The following TMC2 variants were observed in gnomAD, a reference collection of about 807,000 sequenced individuals.
The protein encoded by TMC2 is transmembrane channel like 2.
In TMC2, 102 loss-of-function variants were observed where a neutral mutation model predicts 105.9. The ratio of observed to expected loss-of-function variants is 0.96; its 90% confidence interval spans 0.82 to 1.14. TMC2 has a LOEUF of 1.14. Ranked by LOEUF, TMC2 falls within the 50% of genes most tolerant of loss-of-function variation. TMC2 has a pLI of 0.00. For missense variants in TMC2, 1,093 were observed against 1,134.3 expected (o/e 0.96, Z 0.52); for synonymous variants, 402 against 422.8 (o/e 0.95, Z 0.60).
intron 2 of TMC2, among the ~76,000 whole-genome samples, chr20:2,553,762 A>T (rs2085970394): frequency 6.6e-6 from 1 of 152,112 alleles, no homozygotes; most frequent in Non-Finnish European, 1.5e-5. Flanking sequence ...GCCTATTCAG[A>T]TTACTTATTT....
At chr20:2,547,667 G>A (rs925079824) in intron 2 of TMC2, among the ~76,000 whole-genome samples, 4 of 152,138 alleles carry the variant, frequency 2.6e-5, no homozygotes, top group Non-Finnish European at 5.9e-5. Context: ...CTTCATTTGA[G>A]AGTCAATCTT....
chr20:2,541,230 A>C (rs1007220190), intron 2 of TMC2, among the ~76,000 whole-genome samples: 7 of 152,232 alleles, frequency 4.6e-5, no homozygotes, highest in African/African-American at 1.7e-4. Flanking sequence ...ATCACAGGTT[A>C]ATTCATTATT....
chr20:2,622,030 T>G lies in TMC2; in HGVS notation c.2181-2241T>G, dbSNP rs373085395. Reference sequence around the variant, plus strand: ...GTACATGGCGGGTATGCACTGGAAATAAAAATAATAATAATAATAAATGAA... The same window carrying G: ...GTACATGGCGGGTATGCACTGGAAAGAAAAATAATAATAATAATAAATGAA... On this transcript the variant is annotated intron_variant, in intron 16 of 19. Transcript: ENST00000358864. Among the ~76,000 whole-genome samples, 37 of 152,152 alleles carry G rather than the reference T, an allele frequency of 2.4e-4. 1 individual carries two copies. In the East Asian group the frequency reaches 4.8e-3, roughly 20 times the overall value.
intron 19 of TMC2, among the ~76,000 whole-genome samples, chr20:2,640,439 A>G (rs149344325): frequency 7.0e-4 from 107 of 152,292 alleles, no homozygotes; most frequent in African/African-American, 2.5e-3. Flanking sequence ...AGACACCATA[A>G]AAGTTCATTT....
At chr20:2,621,066 TATAAG>T (rs1312063267) in intron 16 of TMC2, among the ~76,000 whole-genome samples, 1 of 152,060 alleles carries the variant, frequency 6.6e-6, no homozygotes, top group Non-Finnish European at 1.5e-5. Context: ...CAAGTGTTCT[TATAAG>T]AAGGAGGGAG....
In TMC2 at chr20:2,617,085, T is replaced by C. The variant is rs1479844705; in HGVS notation, c.1954T>C (p.Tyr652His). The change falls in exon 16 of 20, where the codon TAT becomes CAT. Residue 652 changes from tyrosine (Y) to histidine (H), a missense_variant. Physicochemically the swap from Tyr to His is moderately conservative, Grantham distance 83. Coordinates refer to ENST00000358864, the MANE Select transcript of TMC2 (RefSeq NM_080751.3). ...CTGCCATTCCAGGATGGGCTCCTTC[T>C]ATGCTCCAGGCCTGGTGGGCATTAA... ...NQGMIWMGSF[Y>H]APGLVGINVL... 1 of 1,614,104 alleles carries C rather than the reference T, an allele frequency of 6.2e-7. No homozygotes were observed. Among genetic ancestry groups the C allele is most frequent in the Non-Finnish European group, 8.5e-7 (1 of 1,180,042 alleles).
At chr20:2,603,021 G>A (rs138566965) in intron 11 of TMC2, among the ~76,000 whole-genome samples, 289 of 152,304 alleles carry the variant, frequency 1.9e-3, no homozygotes, top group Non-Finnish European at 3.2e-3. Context: ...CTTGTGTATT[G>A]AGACTTGCTC....
At chr20:2,628,167 C>CAAA (rs34201766) in intron 17 of TMC2, among the ~76,000 whole-genome samples, 1 of 114,678 alleles carries the variant, frequency 8.7e-6, no homozygotes, top group Non-Finnish European at 1.8e-5. Context: ...GACTCTGTCT[C>CAAA]AAAAAAAAAA....
chr20:2,579,009 G>A, intron 5 of TMC2, 137 bp from the exon 6 acceptor site: 1 of 639,546 alleles, frequency 1.6e-6, no homozygotes. Flanking sequence ...GACAGCAGGA[G>A]CTGGGGACTG....
intron 5 of TMC2, among the ~76,000 whole-genome samples, chr20:2,577,306 G>A (rs2086154072): frequency 6.6e-6 from 1 of 152,128 alleles, no homozygotes; most frequent in Non-Finnish European, 1.5e-5. Flanking sequence ...CTCCCAAAAA[G>A]CTGGGATTAC....
rs1266855047 is a variant in TMC2 at position 2,589,527 on chromosome 20, C to T, written c.835-2783C>T. ...AAATCAACGAATAACTCATGGGGAA[C>T]AGCAATGCACAATCACTTCTTCAGA... is the stretch of plus-strand genomic sequence containing the variant. On this transcript the variant is annotated intron_variant, in intron 7 of 19. Coordinates refer to ENST00000358864, the MANE Select transcript of TMC2 (RefSeq NM_080751.3). 1.3e-5 allele frequency among the ~76,000 whole-genome samples: 2 copies of T among 152,202 alleles called. 1 individual carries two copies. Among genetic ancestry groups the T allele is most frequent in the Middle Eastern group, 6.8e-3 (2 of 294 alleles).
rs755414454 is a variant in TMC2, at chr20:2,537,301, G to A, written c.67G>A (p.Gly23Ser). ...RGGVKGRVKS[G>S]SPHTGDRLGR... ...CGGAGTGAAAGGGCGGGTGAAGAGC[G>A]GCTCTCCACACACAGGTGAGATGGG... The change falls in exon 2 of 20, where the codon GGC (glycine) becomes AGC (serine). Residue 23 changes from glycine to serine, a missense_variant. Physicochemically the swap from Gly to Ser is moderately conservative, Grantham distance 56. Coordinates refer to ENST00000358864, the MANE Select transcript of TMC2 (RefSeq NM_080751.3). 1.9e-5 allele frequency: 31 copies of A among 1,602,790 alleles called. No individual in the cohort carries two copies. The highest frequency in any genetic ancestry group is 1.7e-4 in the South Asian group (15 of 88,792).
intron 2 of TMC2, among the ~76,000 whole-genome samples, chr20:2,547,529 A>G (rs935415563): frequency 2.0e-5 from 3 of 152,226 alleles, no homozygotes; most frequent in African/African-American, 7.2e-5. Flanking sequence ...TGTATCAAAT[A>G]ATCCTAATTG....
intron 7 of TMC2, among the ~76,000 whole-genome samples, chr20:2,580,976 T>C (rs2146199912): frequency 6.6e-6 from 1 of 152,324 alleles, no homozygotes; most frequent in Middle Eastern, 3.4e-3. Flanking sequence ...ACTGAAATCC[T>C]TGATGCTGGT....
chr20:2,561,314 C>T (rs927426312), intron 3 of TMC2, among the ~76,000 whole-genome samples: 5 of 152,108 alleles, frequency 3.3e-5, no homozygotes, highest in African/African-American at 9.7e-5. Context: ...ACTTTTTTCA[C>T]CTATAAACTT....
intron 7 of TMC2, among the ~76,000 whole-genome samples, chr20:2,587,741 T>G (rs1455605559): frequency 6.6e-6 from 1 of 152,214 alleles, no homozygotes; most frequent in Non-Finnish European, 1.5e-5. Flanking sequence ...TACTTATCAT[T>G]TATTTTTGGT....
At chr20:2,567,755 A>G (rs1302184256) in intron 4 of TMC2, among the ~76,000 whole-genome samples, 1 of 152,194 alleles carries the variant, frequency 6.6e-6, no homozygotes, top group East Asian at 1.9e-4. Flanking sequence ...GAACACATGA[A>G]ACAAATGAGA....
intron 2 of TMC2, among the ~76,000 whole-genome samples, chr20:2,545,309 G>A (rs2085915944): frequency 6.6e-6 from 1 of 152,084 alleles, no homozygotes; most frequent in South Asian, 2.1e-4. Flanking sequence ...ATACCCCTAG[G>A]GTACTTAGGA....
chr20:2,537,752 C>T (rs1396391793), intron 2 of TMC2, among the ~76,000 whole-genome samples: 2 of 152,100 alleles, frequency 1.3e-5, no homozygotes, highest in Non-Finnish European at 2.9e-5. Flanking sequence ...ACAGCTCTCC[C>T]GTGAGCCGGT....
Sources: allele counts gnomAD v4.1 joint callset (sites outside exome capture counted in the v4.1 genomes callset), GRCh38; gene constraint gnomAD v4.1.1; transcripts MANE v1.5; gene names NCBI Gene and HGNC (gene_info 2026-07-23, HGNC 2026-07-21).